MAST2: variants seen among roughly 807,000 people sequenced by gnomAD.
MAST2 encodes microtubule-associated serine/threonine-protein kinase 2.
In MAST2, 70 loss-of-function variants were observed where a neutral mutation model predicts 147.4. The ratio of observed to expected loss-of-function variants is 0.47; its 90% CI spans 0.39 to 0.58. The LOEUF (loss-of-function observed/expected upper bound fraction) is 0.58, where lower values mean the gene tolerates loss of function less well. Ranked by LOEUF, MAST2 falls within the 20% of genes least tolerant of loss-of-function variation. The pLI is 0.00. For synonymous variants in MAST2, 869 were observed against 896.8 expected (o/e 0.97, Z 0.55); for missense variants, 2,080 against 2,302.3 (o/e 0.90, Z 1.98).
In MAST2 at chr1:46,023,436, A is replaced by C. The variant is rs1646272094; in HGVS notation, c.1571+118A>C. On this transcript the variant is annotated intron_variant, in intron 14 of 28. Transcript: ENST00000361297. The surrounding 1 kb of genome is among the most constrained non-coding windows in gnomAD (Gnocchi z 4.9). Reference sequence around the variant, plus strand: ...CAGATGCCTCGGGGTGGACCTTCTCACTCCCAGAAGCCTCCTGGGTGGGCA... The same window carrying C: ...CAGATGCCTCGGGGTGGACCTTCTCCCTCCCAGAAGCCTCCTGGGTGGGCA... 1.1e-6 allele frequency: 1 copy of C among 917,764 alleles called. No individual in the cohort carries two copies. Among genetic ancestry groups the C allele is most frequent in the African/African-American group, 1.7e-5 (1 of 60,500 alleles). 56.9% of individuals were successfully genotyped at this position (917,764 alleles called of 1,614,324 possible). A position where few individuals can be genotyped will look rare whatever the true frequency, so the allele number is the denominator to read the frequency against.
intron 3 of MAST2, among the ~76,000 whole-genome samples, chr1:45,848,118 G>A (rs1645501808): frequency 6.6e-6 from 1 of 152,182 alleles, no homozygotes; most frequent in African/African-American, 2.4e-5. Context: ...GAACAAGGCT[G>A]GTTTCAGCAT....
At chr1:45,839,515 C>T in intron 3 of MAST2, among the ~76,000 whole-genome samples, 1 of 152,120 alleles carries the variant, frequency 6.6e-6, no homozygotes. Context: ...TCAAGCAATC[C>T]TCCTGCCCTG....
In MAST2 at chr1:46,029,958, G is replaced by T. The variant is rs375966254; in HGVS notation, c.2443+5G>T. 3 of 1,613,914 alleles carry T rather than the reference G, an allele frequency of 1.9e-6. No homozygotes were observed. Among genetic ancestry groups the T allele is most frequent in the Non-Finnish European group, 2.5e-6 (3 of 1,179,980 alleles). On this transcript the variant is annotated splice_donor_5th_base_variant and intron_variant, in intron 20 of 28. Coordinates refer to ENST00000361297, the MANE Select transcript of MAST2 (RefSeq NM_015112.3). Reference sequence around the variant, plus strand: ...ATGATACTAGCTATTTTGACAGTAAGGCCACCGATGGGTGGGGTGGAGGAT... The same window carrying T: ...ATGATACTAGCTATTTTGACAGTAATGCCACCGATGGGTGGGGTGGAGGAT...
intron 4 of MAST2, among the ~76,000 whole-genome samples, chr1:45,911,205 C>A (rs1651603211): frequency 6.6e-6 from 1 of 152,132 alleles, no homozygotes; most frequent in Admixed American, 6.6e-5. Flanking sequence ...CTAGTCCTGG[C>A]AAAGTCACAG....
chr1:45,974,680 CTT>C (rs1644062547), intron 5 of MAST2, among the ~76,000 whole-genome samples: 1 of 152,134 alleles, frequency 6.6e-6, no homozygotes, highest in Non-Finnish European at 1.5e-5. Context: ...ATGATACAGT[CTT>C]TTAAAAGGAT....
intron 3 of MAST2, among the ~76,000 whole-genome samples, chr1:45,868,892 T>A (rs1646268418): frequency 6.6e-6 from 1 of 152,234 alleles, no homozygotes; most frequent in African/African-American, 2.4e-5. Flanking sequence ...CCTTGTTCTT[T>A]TCTGTGGGAA....
intron 3 of MAST2, among the ~76,000 whole-genome samples, chr1:45,844,575 C>T (rs534010342): frequency 2.6e-4 from 40 of 152,126 alleles, no homozygotes; most frequent in South Asian, 1.9e-3. Context: ...TGAGCCACCG[C>T]GGCCAGCTTA....
At chr1:45,816,221 A>AAGAGAGAGAGATAGAGAAAG (rs1553202492) in intron 1 of MAST2, among the ~76,000 whole-genome samples, 1 of 134,738 alleles carries the variant, frequency 7.4e-6, no homozygotes, top group African/African-American at 2.8e-5. Flanking sequence ...GAGAGAGAGA[A>AAGAGAGAGAGATAGAGAAAG]AGAGAGAGAG....
intron 6 of MAST2, 64 bp from the exon 7 acceptor site, chr1:46,002,741 C>G: frequency 7.0e-7 from 1 of 1,429,188 alleles, no homozygotes; most frequent in Non-Finnish European, 9.9e-7. Flanking sequence ...GATGAACAGA[C>G]AGGCAGGTTG....
At chr1:45,949,051 G>T (rs1658535238) in intron 4 of MAST2, among the ~76,000 whole-genome samples, 1 of 151,842 alleles carries the variant, frequency 6.6e-6, no homozygotes. Flanking sequence ...AAGCTACATA[G>T]TACCCCTCCT....
At chr1:45,967,177 G>T (rs567829614) in intron 5 of MAST2, among the ~76,000 whole-genome samples, 1 of 151,934 alleles carries the variant, frequency 6.6e-6, no homozygotes, top group South Asian at 2.1e-4. Flanking sequence ...AGGTTCAAGC[G>T]ATTCTCCTGC....
chr1:46,006,237 C>T lies in MAST2; in HGVS notation c.748-4C>T. 6.2e-7 allele frequency: 1 copy of T among 1,611,570 alleles called. No individual in the cohort carries two copies. The highest frequency in any genetic ancestry group is 8.5e-7 in the Non-Finnish European group (1 of 1,178,432). Reference sequence around the variant, plus strand: ...ATGCCACTTCTTAATGTTTTCCCCTCTAGTCATCATGCTCCTCACAGGAAA... The same window carrying T: ...ATGCCACTTCTTAATGTTTTCCCCTTTAGTCATCATGCTCCTCACAGGAAA... On this transcript the variant is annotated splice_polypyrimidine_tract_variant and splice_region_variant and intron_variant, in intron 7 of 28. Coordinates refer to ENST00000361297, the MANE Select transcript of MAST2 (RefSeq NM_015112.3).
Position 46,002,796 on chromosome 1 carries a change from T to C in MAST2, c.669-9T>C. On this transcript the variant is annotated splice_polypyrimidine_tract_variant and intron_variant, in intron 6 of 28. Coordinates refer to ENST00000361297, the MANE Select transcript of MAST2 (RefSeq NM_015112.3). ...GCAGAAACTGCCTAATACTTTTTCTTGCATACAGGACTGATGGGCGGCGCT... is the reference window on the plus strand; with the variant it reads ...GCAGAAACTGCCTAATACTTTTTCTCGCATACAGGACTGATGGGCGGCGCT... The C allele has an allele frequency of 6.2e-7, 1 of 1,614,022 alleles. No homozygotes were observed. Among genetic ancestry groups the C allele is most frequent in the East Asian group, 2.2e-5 (1 of 44,882 alleles).
Position 46,029,824 on chromosome 1 carries a change from TC to T in MAST2, c.2321-5del, listed in dbSNP as rs774952583. On this transcript the variant is annotated splice_polypyrimidine_tract_variant and splice_region_variant and intron_variant, in intron 19 of 28. Transcript: ENST00000361297. ...TACCCCCTTGCCCATGTCCTCCCTG[TC>T]CACAGGCAGTGCCTATGAGGTGAAG... 6 of 1,613,966 alleles carry T rather than the reference TC, an allele frequency of 3.7e-6. No individual in the cohort carries two copies. In the East Asian group the frequency reaches 1.3e-4, roughly 36 times the overall value.
At chr1:45,907,387 T>A (rs1650936176) in intron 4 of MAST2, among the ~76,000 whole-genome samples, 2 of 152,200 alleles carry the variant, frequency 1.3e-5, no homozygotes, top group African/African-American at 4.8e-5. Context: ...GTTTGAATCT[T>A]AACTCCTTTT....
chr1:45,882,012 TAAAAA>T (rs71062722), intron 3 of MAST2, among the ~76,000 whole-genome samples: 5 of 39,834 alleles, frequency 1.3e-4, no homozygotes, highest in Admixed American at 9.6e-4. Flanking sequence ...CCGTCTCTAC[TAAAAA>T]AAAAAAAAAA....
intron 1 of MAST2, among the ~76,000 whole-genome samples, chr1:45,810,776 A>G (rs1313198966): frequency 7.6e-6 from 1 of 131,784 alleles, no homozygotes; most frequent in Non-Finnish European, 1.6e-5. Flanking sequence ...GCGCCACGGT[A>G]CTCCATCCTG....
At chr1:46,006,580 T>C (rs894802815) in intron 8 of MAST2, 185 bp downstream of exon 8, 10 of 423,900 alleles carry the variant, frequency 2.4e-5, no homozygotes, top group African/African-American at 1.4e-4. Context: ...ACAAATAATA[T>C]ATAAACTTTA....
At chr1:46,010,178 TCA>T (rs879605524) in intron 9 of MAST2, among the ~76,000 whole-genome samples, 23 of 152,168 alleles carry the variant, frequency 1.5e-4, no homozygotes, top group Non-Finnish European at 2.9e-4. Context: ...AAACTCTCTC[TCA>T]CTTAACAAAC....
Sources: gnomAD v4.1 joint callset for allele counts (sites outside exome capture counted in the v4.1 genomes callset) on GRCh38, gnomAD v4.1.1 for gene constraint, Gnocchi (gnomAD v3.1) non-coding constraint, MANE v1.5 for transcripts, NCBI Gene and HGNC (gene_info 2026-07-23, HGNC 2026-07-21) for gene names.